The following SORD variants were observed in gnomAD, a reference collection of about 807,000 sequenced individuals.
SORD encodes the protein (R,R)-butanediol dehydrogenase.
Under a neutral mutation model 35.6 loss-of-function variants are expected in SORD, and 18 were observed. That is an observed-to-expected ratio of 0.51 (90% CI 0.35 to 0.75). The LOEUF (loss-of-function observed/expected upper bound fraction) is 0.75, where lower values mean the gene tolerates loss of function less well. SORD is among the 30% of genes least tolerant of loss of function. The pLI, the probability that SORD is intolerant of heterozygous loss-of-function variation, is 0.01. For synonymous variants in SORD, 106 were observed against 152.9 expected (o/e 0.69, Z 2.26); for missense variants, 250 against 390.2 (o/e 0.64, Z 3.03).
chr15:45,060,473 T>C (rs1465098545), intron 3 of SORD, among the ~76,000 whole-genome samples: 8 of 152,176 alleles, frequency 5.3e-5, no homozygotes, highest in South Asian at 4.1e-4. Flanking sequence ...TATTACTCTC[T>C]ACTGTACCAG....
intron 1 of SORD, among the ~76,000 whole-genome samples, chr15:45,027,738 T>G (rs1892698553): frequency 6.6e-6 from 1 of 152,368 alleles, no homozygotes; most frequent in East Asian, 1.9e-4. Context: ...AGGAAATGAA[T>G]TATGGATTCA....
chr15:45,059,233 G>A (rs1893263224), intron 3 of SORD, among the ~76,000 whole-genome samples: 1 of 152,010 alleles, frequency 6.6e-6, no homozygotes, highest in African/African-American at 2.4e-5. Context: ...GGGAGGCTGA[G>A]GCAGGAGGAC....
chr15:45,045,114 G>A (rs1402492601), intron 3 of SORD, among the ~76,000 whole-genome samples: 1 of 152,154 alleles, frequency 6.6e-6, no homozygotes, highest in Admixed American at 6.5e-5. Flanking sequence ...TCTCAGAACT[G>A]GGATACCCAC....
intron 5 of SORD, among the ~76,000 whole-genome samples, chr15:45,066,683 G>A (rs1021903072): frequency 2.5e-4 from 38 of 152,326 alleles, no homozygotes; most frequent in African/African-American, 7.2e-4. Flanking sequence ...GTACGCTCAC[G>A]CTCCTTGTGG....
At chr15:45,058,605 G>A (rs2141278726) in intron 3 of SORD, 1 of 152,284 alleles carries the variant, frequency 6.6e-6, no homozygotes, top group African/African-American at 2.4e-5. Flanking sequence ...CAGTGTAGCA[G>A]TCTCTTTGTC....
chr15:45,039,643 C>A (rs577027390), intron 1 of SORD, among the ~76,000 whole-genome samples: 1 of 152,288 alleles, frequency 6.6e-6, no homozygotes, highest in Non-Finnish European at 1.5e-5. Flanking sequence ...TGAGAGGGGC[C>A]AAAATGCAGG....
intron 1 of SORD, among the ~76,000 whole-genome samples, chr15:45,035,319 G>T (rs1429840796): frequency 6.6e-6 from 1 of 152,190 alleles, no homozygotes; most frequent in Non-Finnish European, 1.5e-5. Context: ...GGAACTTGGA[G>T]GACCTTTATG....
At position 45,065,332 on chromosome 15, in the gene SORD, C is replaced by A; in HGVS notation, c.487C>A (p.His163Asn). The part of the protein sequence containing the change: ...ALIEPLSVGI[H>N]ACRRGGVTLG... ...GATCGAGCCACTTTCTGTGGGGATC[C>A]ATGCCTGCAGGAGAGGCGGAGTTAC... Residue 163 changes from histidine to asparagine, a missense_variant, in exon 5 of 9, where the codon CAT (histidine) becomes AAT (asparagine). Transcript: ENST00000267814. 1.2e-6 allele frequency: 2 copies of A among 1,613,922 alleles called. No individual in the cohort carries two copies.
intron 1 of SORD, among the ~76,000 whole-genome samples, chr15:45,032,853 C>T (rs1247917641): frequency 1.3e-5 from 2 of 151,780 alleles, no homozygotes; most frequent in Non-Finnish European, 2.9e-5. Flanking sequence ...CCTTAAAACA[C>T]GCTTCAGGCA....
chr15:45,048,781 G>A (rs755674757), intron 3 of SORD, among the ~76,000 whole-genome samples: 60 of 152,180 alleles, frequency 3.9e-4, no homozygotes, highest in Non-Finnish European at 7.5e-4. Context: ...GCAGCAGCGG[G>A]GGTGGAGGGA....
At chr15:45,050,634 C>T (rs565225774) in intron 3 of SORD, 1 of 152,280 alleles carries the variant, frequency 6.6e-6, no homozygotes, top group Non-Finnish European at 1.5e-5. Context: ...CAGTCAAAGC[C>T]TTGGTAAAAC....
At chr15:45,034,032 C>T (rs190895924) in intron 1 of SORD, among the ~76,000 whole-genome samples, 31 of 152,214 alleles carry the variant, frequency 2.0e-4, no homozygotes, top group African/African-American at 7.5e-4. Flanking sequence ...CAGTGGCCTC[C>T]TGTAATTTCT....
At chr15:45,024,203 G>A (rs896373078) in intron 1 of SORD, among the ~76,000 whole-genome samples, 7 of 152,316 alleles carry the variant, frequency 4.6e-5, no homozygotes, top group African/African-American at 1.7e-4. Flanking sequence ...TGGGATGGCA[G>A]TGGGTATGTG....
At chr15:45,023,769 A>C (rs1892627069) in intron 1 of SORD, among the ~76,000 whole-genome samples, 2 of 152,218 alleles carry the variant, frequency 1.3e-5, no homozygotes, top group African/African-American at 4.8e-5. Context: ...GAAACAGCAG[A>C]ACTTGTATTT....
chr15:45,029,358 C>G (rs1892731020), intron 1 of SORD, among the ~76,000 whole-genome samples: 1 of 152,272 alleles, frequency 6.6e-6, no homozygotes, highest in Non-Finnish European at 1.5e-5. Context: ...TTTTTCTTGG[C>G]CCCTTCGCCA....
intron 2 of SORD, among the ~76,000 whole-genome samples, chr15:45,042,752 T>C (rs7167120): frequency 0.15 from 23,131 of 151,426 alleles, 1,910 homozygotes; most frequent in African/African-American, 0.24. Flanking sequence ...GTGTATTGGT[T>C]AGTGTTGTCC....
Position 45,023,248 on chromosome 15 carries a change from G to A in SORD, c.-36G>A. 1 of 1,515,618 alleles carries A rather than the reference G, an allele frequency of 6.6e-7. No individual in the cohort carries two copies. The highest frequency in any genetic ancestry group is 8.8e-7 in the Non-Finnish European group (1 of 1,130,724). 93.9% of individuals were successfully genotyped at this position (1,515,618 alleles called of 1,614,324 possible). A position where few individuals can be genotyped will look rare whatever the true frequency, so the allele number is the denominator to read the frequency against. On this transcript the variant is annotated 5_prime_UTR_variant, in exon 1 of 9. Transcript: ENST00000267814. ...CCACCAGAGCGACCAAACGTCCCGC[G>A]CCTTCCAGGCCGCACTCCAGAGCCA... is the stretch of plus-strand genomic sequence containing the variant.
chr15:45,055,983 C>T (rs1280674910), intron 3 of SORD, among the ~76,000 whole-genome samples: 6 of 149,894 alleles, frequency 4.0e-5, no homozygotes, highest in African/African-American at 1.5e-4. Context: ...ATTGATGGGA[C>T]GTATCTCAAA....
intron 1 of SORD, among the ~76,000 whole-genome samples, chr15:45,037,494 C>T (rs1353299002): frequency 6.6e-6 from 1 of 152,130 alleles, no homozygotes; most frequent in Non-Finnish European, 1.5e-5. Flanking sequence ...CTTTCAGTGT[C>T]TGTGAATTTG....
Sources: gnomAD v4.1 joint callset for allele counts (sites outside exome capture counted in the v4.1 genomes callset) on GRCh38, gnomAD v4.1.1 for gene constraint, MANE v1.5 for transcripts, NCBI Gene and HGNC (gene_info 2026-07-23, HGNC 2026-07-21) for gene names.